TXLNB: variants seen among roughly 807,000 people sequenced by gnomAD.
TXLNB encodes the protein beta-taxilin.
A neutral mutation model predicts 57.4 loss-of-function variants in TXLNB; 37 were observed. That is an observed-to-expected ratio of 0.64 (90% CI 0.50 to 0.85). TXLNB has a LOEUF of 0.85. Ranked by LOEUF, TXLNB falls within the 40% of genes least tolerant of loss-of-function variation. TXLNB has a pLI of 0.00. For missense variants in TXLNB, 848 were observed against 825.6 expected (o/e 1.03, Z -0.33); for synonymous variants, 302 against 309.6 (o/e 0.98, Z 0.26).
intron 2 of TXLNB, among the ~76,000 whole-genome samples, chr6:139,283,422 C>T (rs1777100487): frequency 6.9e-6 from 1 of 144,034 alleles, no homozygotes; most frequent in Non-Finnish European, 1.5e-5. Context: ...ACTAAAAATA[C>T]AAAATTAGCC....
the TXLNB span, among the ~76,000 whole-genome samples, chr6:139,301,124 T>C: frequency 6.6e-6 from 1 of 152,192 alleles, no homozygotes. Context: ...TGGGACCCCC[T>C]GAGTTTGTGG....
intron 4 of TXLNB, 143 bp from the exon 5 acceptor site, chr6:139,262,916 A>G (rs1262718598): frequency 5.4e-6 from 4 of 746,726 alleles, no homozygotes; most frequent in African/African-American, 3.5e-5. Flanking sequence ...CTCAGCCCCA[A>G]AATAAATGTA....
the TXLNB span, among the ~76,000 whole-genome samples, chr6:139,222,616 G>C: frequency 2.6e-5 from 4 of 152,136 alleles, no homozygotes; most frequent in Non-Finnish European, 5.9e-5. Context: ...AGACCAGCCT[G>C]GCCAACATGG....
the TXLNB span, among the ~76,000 whole-genome samples, chr6:139,310,536 CTCTA>C: frequency 5.9e-5 from 9 of 152,348 alleles, no homozygotes; most frequent in South Asian, 1.0e-3. Flanking sequence ...AGGATAGCCA[CTCTA>C]TCTCTCTGTC....
chr6:139,267,072 G>A (rs1583011278), intron 4 of TXLNB, among the ~76,000 whole-genome samples: 1 of 149,536 alleles, frequency 6.7e-6, no homozygotes, highest in East Asian at 2.0e-4. Flanking sequence ...AAAGATAAAA[G>A]GCAACTAAGA....
intron 5 of TXLNB, 99 bp from the exon 6 acceptor site, chr6:139,260,536 A>G: frequency 7.7e-7 from 1 of 1,304,250 alleles, no homozygotes. Context: ...CCCAGGTTTT[A>G]AGATTTAAAA....
the TXLNB span, among the ~76,000 whole-genome samples, chr6:139,224,066 A>G: frequency 0.66 from 86,554 of 131,150 alleles, 28,506 homozygotes; most frequent in East Asian, 0.78. Context: ...ACAATGATAG[A>G]CTGGATTAAG....
At position 139,242,741 on chromosome 6, in the gene TXLNB, C is replaced by A. The variant is rs757710174; in HGVS notation, c.1840G>T (p.Ala614Ser). ...GAGGCCTCGGTGGGAGCCTGTGGGG[C>A]CTGACCGGAAGCTTCTGCCTCTGGC... Reference protein sequence around the residue: ...WKPEAEASGQAPQAPTEASLQ... With the variant: ...WKPEAEASGQSPQAPTEASLQ... The change falls in exon 10 of 10, where the codon GCC (alanine) becomes TCC (serine). Residue 614 changes from alanine to serine, a missense_variant. By Grantham distance (99) the Ala-to-Ser change is moderately conservative. Coordinates refer to ENST00000358430, the MANE Select transcript of TXLNB (RefSeq NM_153235.4). The A allele has an allele frequency of 6.2e-7, 1 of 1,613,324 alleles. No homozygotes were observed. Among genetic ancestry groups the A allele is most frequent in the African/African-American group, 1.3e-5 (1 of 74,848 alleles).
rs917985164 is a variant in TXLNB at position 139,242,814 on chromosome 6, T to C, written c.1767A>G (p.Gln589=). Residue 589 remains glutamine, a synonymous_variant, in exon 10 of 10, where the codon CAA becomes CAG. Coordinates refer to ENST00000358430, the MANE Select transcript of TXLNB (RefSeq NM_153235.4). ...GTGCTCCAACAGGGAGACCCTCGCATTGGGTTTCTGCTCCCAACCCGGCAG... is the reference window on the plus strand; with the variant it reads ...GTGCTCCAACAGGGAGACCCTCGCACTGGGTTTCTGCTCCCAACCCGGCAG... The part of the protein sequence containing the change: ...NSPAGLGAET[Q]CEGLPVGAQA... 10 of 1,613,916 alleles carry C rather than the reference T, an allele frequency of 6.2e-6. No homozygotes were observed. The highest frequency in any genetic ancestry group is 3.3e-5 in the Admixed American group (2 of 60,010).
intron 4 of TXLNB, among the ~76,000 whole-genome samples, chr6:139,265,276 ACTTACCCCTCT>A (rs1223804839): frequency 3.3e-5 from 5 of 152,202 alleles, no homozygotes; most frequent in African/African-American, 1.2e-4. Flanking sequence ...TCCCTGAGAC[ACTTACCCCTCT>A]CTTACTAGGC....
chr6:139,218,532 C>A, the TXLNB span, among the ~76,000 whole-genome samples: 1 of 152,114 alleles, frequency 6.6e-6, no homozygotes, highest in African/African-American at 2.4e-5. Flanking sequence ...GTGGGTGGAT[C>A]ATCTGAGGTC....
chr6:139,311,860 G>T, the TXLNB span, among the ~76,000 whole-genome samples: 1 of 152,084 alleles, frequency 6.6e-6, no homozygotes, highest in African/African-American at 2.4e-5. Flanking sequence ...CCGAGAGCAG[G>T]GGGGCTAGGA....
chr6:139,264,015 T>C (rs1776551261), intron 4 of TXLNB, among the ~76,000 whole-genome samples: 1 of 152,190 alleles, frequency 6.6e-6, no homozygotes, highest in Admixed American at 6.5e-5. Flanking sequence ...GTTTCTTCTT[T>C]CCTCTATAAT....
the TXLNB span, among the ~76,000 whole-genome samples, chr6:139,307,344 C>T: frequency 2.5e-4 from 38 of 152,120 alleles, no homozygotes; most frequent in African/African-American, 9.2e-4. Context: ...TGTATGACAC[C>T]ACCCCTGGCT....
At chr6:139,295,058 A>T (rs2114663167), upstream of TXLNB, among the ~76,000 whole-genome samples, 1 of 152,304 alleles carries the variant, frequency 6.6e-6, no homozygotes, top group South Asian at 2.1e-4. Context: ...GCCTGAATAG[A>T]TGAAAGCCCT....
chr6:139,220,536 C>A, the TXLNB span, among the ~76,000 whole-genome samples: 1 of 152,122 alleles, frequency 6.6e-6, no homozygotes, highest in South Asian at 2.1e-4. Context: ...CAAAGTAGCT[C>A]CTCGGAGAGC....
At chr6:139,168,510 G>T in the TXLNB span, among the ~76,000 whole-genome samples, 2 of 146,366 alleles carry the variant, frequency 1.4e-5, no homozygotes, top group African/African-American at 5.1e-5. Context: ...CCACATACCT[G>T]TCAGATTTTT....
chr6:139,299,985 T>G, the TXLNB span, among the ~76,000 whole-genome samples: 109 of 152,272 alleles, frequency 7.2e-4, 4 homozygotes, highest in South Asian at 0.022. Context: ...GTTTTCTAAC[T>G]AACTAACTAT....
the TXLNB span, among the ~76,000 whole-genome samples, chr6:139,195,621 C>G: frequency 6.6e-6 from 1 of 152,136 alleles, no homozygotes; most frequent in Non-Finnish European, 1.5e-5. Context: ...TACAAAATTG[C>G]ATTGAAAAAT....
Sources: allele counts gnomAD v4.1 joint callset (sites outside exome capture counted in the v4.1 genomes callset), GRCh38; gene constraint gnomAD v4.1.1; transcripts MANE v1.5; gene names NCBI Gene and HGNC (gene_info 2026-07-23, HGNC 2026-07-21).